Variants in JARID2 observed in about 807,000 individuals in gnomAD.
The protein encoded by JARID2 is protein Jumonji.
A neutral mutation model predicts 125.6 loss-of-function variants in JARID2; 21 were observed. The ratio of observed to expected loss-of-function variants is 0.17; its 90% CI spans 0.12 to 0.24. The LOEUF (loss-of-function observed/expected upper bound fraction) is 0.24. Ranked by LOEUF, JARID2 falls within the 10% of genes least tolerant of loss-of-function variation. JARID2 has a pLI of 1.00. For missense variants in JARID2, 1,303 were observed against 1,639.6 expected (o/e 0.79, Z 3.55); for synonymous variants, 736 against 661.6 (o/e 1.11, Z -1.73).
At chr6:15,360,970 T>G (rs920039350) in intron 1 of JARID2, among the ~76,000 whole-genome samples, 4 of 152,234 alleles carry the variant, frequency 2.6e-5, no homozygotes, top group African/African-American at 7.2e-5. Context: ...CTTCAGTAAA[T>G]TAGGGCACCT....
At chr6:15,339,463 G>A (rs192134388) in intron 1 of JARID2, among the ~76,000 whole-genome samples, 3 of 152,052 alleles carry the variant, frequency 2.0e-5, no homozygotes, top group Admixed American at 6.5e-5. Flanking sequence ...AGAAGATGCA[G>A]GTATTCCCAG....
chr6:15,327,684 A>G (rs1031893782), intron 1 of JARID2, among the ~76,000 whole-genome samples: 6 of 152,206 alleles, frequency 3.9e-5, no homozygotes, highest in Non-Finnish European at 5.9e-5. Context: ...AAGGGCACGT[A>G]GCAATCTCTG....
chr6:15,465,474 A>T lies in JARID2; in HGVS notation c.494-3068A>T, dbSNP rs559798547. On this transcript the variant is annotated intron_variant, in intron 4 of 17. Transcript: ENST00000341776. ...TCAAACAATATCTTATCCTTTGTAG[A>T]TATCAACAAAGTCTGGATGCTGAAC... 2.0e-5 allele frequency among the ~76,000 whole-genome samples: 3 copies of T among 151,612 alleles called. No homozygotes were observed. The South Asian group carries it at 6.2e-4, about 32-fold the overall frequency.
chr6:15,396,161 A>T (rs1165519551), intron 2 of JARID2, among the ~76,000 whole-genome samples: 1 of 152,206 alleles, frequency 6.6e-6, no homozygotes, highest in African/African-American at 2.4e-5. Context: ...TCACCTTCAA[A>T]TATGTTAAGT....
chr6:15,497,196 G>A (rs960590059), intron 7 of JARID2, 26 bp downstream of exon 7: 2 of 1,499,742 alleles, frequency 1.3e-6, no homozygotes, highest in Non-Finnish European at 1.8e-6. Context: ...GGGTCAGGGG[G>A]TGGTGCCTGC....
At chr6:15,514,413 T>C (rs1402430856) in intron 16 of JARID2, among the ~76,000 whole-genome samples, 1 of 152,234 alleles carries the variant, frequency 6.6e-6, no homozygotes, top group Non-Finnish European at 1.5e-5. Context: ...CCCCATATGC[T>C]GTGTGGTGCC....
intron 1 of JARID2, chr6:15,248,673 CCTT>C (rs1177549877): frequency 1.3e-5 from 2 of 153,014 alleles, no homozygotes; most frequent in African/African-American, 4.8e-5. Flanking sequence ...GCGCCCCAGC[CCTT>C]CTTCCCTCCC....
intron 1 of JARID2, among the ~76,000 whole-genome samples, chr6:15,260,022 G>C (rs1759811846): frequency 6.6e-6 from 1 of 152,208 alleles, no homozygotes; most frequent in Non-Finnish European, 1.5e-5. Context: ...AAAACTTTAA[G>C]TAAAGGCAAG....
chr6:15,473,702 A>G (rs1052538297), intron 5 of JARID2, among the ~76,000 whole-genome samples: 2 of 152,132 alleles, frequency 1.3e-5, no homozygotes, highest in South Asian at 2.1e-4. Flanking sequence ...TTGTGAAGTC[A>G]TATGAAAAGA....
chr6:15,367,380 G>A (rs1299303049), intron 1 of JARID2, among the ~76,000 whole-genome samples: 2 of 152,088 alleles, frequency 1.3e-5, no homozygotes, highest in Non-Finnish European at 2.9e-5. Flanking sequence ...CCAATTGTAG[G>A]CTAGTAATAG....
intron 1 of JARID2, among the ~76,000 whole-genome samples, chr6:15,267,591 A>G (rs1045751524): frequency 1.3e-5 from 2 of 152,126 alleles, no homozygotes; most frequent in Non-Finnish European, 2.9e-5. Context: ...TTTCTGGTTG[A>G]CTGTTTCAAG....
chr6:15,514,944 G>T (rs2127769473), intron 16 of JARID2, among the ~76,000 whole-genome samples: 1 of 152,202 alleles, frequency 6.6e-6, no homozygotes, highest in East Asian at 1.9e-4. Context: ...AGAGCCATTT[G>T]GTTCTTAAAA....
chr6:15,268,639 G>T (rs1760180658), intron 1 of JARID2, among the ~76,000 whole-genome samples: 1 of 152,112 alleles, frequency 6.6e-6, no homozygotes, highest in Non-Finnish European at 1.5e-5. Context: ...CACAAAAAAG[G>T]GAGCTTTTTG....
intron 1 of JARID2, among the ~76,000 whole-genome samples, chr6:15,306,124 A>C (rs1761812772): frequency 6.6e-6 from 1 of 152,102 alleles, no homozygotes; most frequent in African/African-American, 2.4e-5. Flanking sequence ...GTTGGCAAGT[A>C]ACTTCAGCTT....
At chr6:15,382,696 AG>A (rs1764635228) in intron 2 of JARID2, among the ~76,000 whole-genome samples, 1 of 152,190 alleles carries the variant, frequency 6.6e-6, no homozygotes, top group Non-Finnish European at 1.5e-5. Flanking sequence ...GATTGGAACC[AG>A]AAATCCAATT....
intron 5 of JARID2, among the ~76,000 whole-genome samples, chr6:15,476,534 C>CTCTAA: frequency 6.6e-6 from 1 of 152,334 alleles, no homozygotes; most frequent in Admixed American, 6.5e-5. Flanking sequence ...TTACACAGGA[C>CTCTAA]TCTAATGTGC....
intron 1 of JARID2, among the ~76,000 whole-genome samples, chr6:15,363,377 C>G (rs1763866523): frequency 6.6e-6 from 1 of 152,158 alleles, no homozygotes. Context: ...GGGAGTGTTC[C>G]TGATGTCTGC....
chr6:15,500,976 C>G lies in JARID2; in HGVS notation c.2015C>G (p.Thr672Ser). 4 of 1,614,070 alleles carry G rather than the reference C, an allele frequency of 2.5e-6. 1 individual carries two copies. In the Middle Eastern group the frequency reaches 4.9e-4, roughly 200 times the overall value. Residue 672 changes from threonine to serine, a missense_variant, in exon 8 of 18, where the codon ACT (threonine) becomes AGT (serine). Thr to Ser is a moderately conservative substitution (Grantham distance 58, BLOSUM62 1). This residue lies in a region of JARID2 where 64 missense variants were observed against 166.8 expected (regional missense o/e 0.38). Coordinates refer to ENST00000341776, the MANE Select transcript of JARID2 (RefSeq NM_004973.4). ...INEMGGMQQV[T>S]DLKKWNKLAD... ...GAGATGGGCGGCATGCAGCAAGTGACTGACCTCAAAAAATGGAACAAACTA... is the reference window on the plus strand; with the variant it reads ...GAGATGGGCGGCATGCAGCAAGTGAGTGACCTCAAAAAATGGAACAAACTA...
intron 6 of JARID2, among the ~76,000 whole-genome samples, chr6:15,495,691 A>G (rs1366832721): frequency 6.6e-6 from 1 of 152,196 alleles, no homozygotes; most frequent in African/African-American, 2.4e-5. Flanking sequence ...TTCTTGGAAC[A>G]GGGATATGTG....
Sources: gnomAD v4.1 joint callset for allele counts (sites outside exome capture counted in the v4.1 genomes callset) on GRCh38, gnomAD v4.1.1 for gene constraint, gnomAD v4.1.1 regional missense constraint, MANE v1.5 for transcripts, NCBI Gene and HGNC (gene_info 2026-07-23, HGNC 2026-07-21) for gene names.